The following NCAN variants were observed in gnomAD, a reference collection of about 807,000 sequenced individuals.
NCAN encodes the protein neurocan, also known as neurocan core protein.
NCAN carries 47 observed loss-of-function variants against 121.8 expected under a neutral mutation model. That is an observed-to-expected ratio of 0.39 (90% CI 0.31 to 0.49). The LOEUF is 0.49. Ranked by LOEUF, NCAN falls within the 20% of genes least tolerant of loss-of-function variation. The pLI is 0.92. For missense variants in NCAN, 1,517 were observed against 1,773.4 expected (o/e 0.86, Z 2.60); for synonymous variants, 633 against 702.0 (o/e 0.90, Z 1.55).
At chr19:19,249,367 G>T (rs952211672) in intron 14 of NCAN, among the ~76,000 whole-genome samples, 1 of 151,572 alleles carries the variant, frequency 6.6e-6, no homozygotes, top group African/African-American at 2.4e-5. Flanking sequence ...CACCACATCC[G>T]GCCTGGTTTT....
At chr19:19,219,672 C>CAAAAA (rs56231208) in intron 3 of NCAN, among the ~76,000 whole-genome samples, 30,856 of 49,408 alleles carry the variant, frequency 0.62, 10,940 homozygotes, top group South Asian at 0.76. Flanking sequence ...GACCCTGTCA[C>CAAAAA]AAAAAAAAAA....
intron 11 of NCAN, chr19:19,238,795 C>G: frequency 3.0e-6 from 1 of 329,336 alleles, no homozygotes; most frequent in Admixed American, 4.2e-5. Context: ...TGTAATTCAA[C>G]AGATCCTATG....
Position 19,216,013 on chromosome 19 carries a change from G to A in NCAN, c.-7-934G>A, listed in dbSNP as rs139100357. ...ATGTTATCCCCATCTGACCCACAAA[G>A]AAAGTAAGGCACAGAGAAGGTAAGC... On this transcript the variant is annotated intron_variant, in intron 1 of 14. Coordinates refer to ENST00000252575, the MANE Select transcript of NCAN (RefSeq NM_004386.3). Among the ~76,000 whole-genome samples, 1,112 of 152,252 alleles carry A rather than the reference G, an allele frequency of 7.3e-3. 7 individuals are homozygous for A. The highest frequency in any genetic ancestry group is 0.013 in the Non-Finnish European group (863 of 68,010).
At chr19:19,241,503 C>T (rs377519410) in intron 12 of NCAN, among the ~76,000 whole-genome samples, 2 of 151,822 alleles carry the variant, frequency 1.3e-5, no homozygotes, top group East Asian at 3.9e-4. Flanking sequence ...ATAAAAATTC[C>T]CCTTCTCCCG....
chr19:19,224,268 G>A lies in NCAN; in HGVS notation c.651-38G>A, dbSNP rs372334495. 123 of 1,601,836 alleles carry A rather than the reference G, an allele frequency of 7.7e-5. No homozygotes were observed. The African/African-American group carries it at 1.5e-3, about 20-fold the overall frequency. ...AGGAGGTTCCTTGGGGGCTCCAGGA[G>A]CACACATCTGAGAGGGACCCTCCCC... On this transcript the variant is annotated intron_variant, in intron 4 of 14. Transcript: ENST00000252575.
At chr19:19,214,649 C>A (rs1397973346) in intron 1 of NCAN, among the ~76,000 whole-genome samples, 4 of 151,634 alleles carry the variant, frequency 2.6e-5, no homozygotes, top group Non-Finnish European at 5.9e-5. Context: ...GGTGGGGAAA[C>A]TGAGGCACAG....
chr19:19,239,536 C>T (rs560171565), intron 11 of NCAN, among the ~76,000 whole-genome samples: 1 of 136,232 alleles, frequency 7.3e-6, no homozygotes, highest in East Asian at 2.3e-4. Context: ...TTCCTCCTTC[C>T]ACTCATCTTC....
At chr19:19,245,949 G>T (rs768262065) in intron 13 of NCAN, among the ~76,000 whole-genome samples, 1 of 152,144 alleles carries the variant, frequency 6.6e-6, no homozygotes, top group African/African-American at 2.4e-5. Flanking sequence ...AGGCCGCTCG[G>T]GGTGGCTCAT....
chr19:19,230,927 G>A (rs1338815847), intron 8 of NCAN, among the ~76,000 whole-genome samples: 1 of 147,716 alleles, frequency 6.8e-6, no homozygotes. Flanking sequence ...GTGTGTGTGT[G>A]TAGAGATGGG....
chr19:19,221,571 A>AAATAAT (rs543057188), intron 3 of NCAN, among the ~76,000 whole-genome samples: 10 of 151,256 alleles, frequency 6.6e-5, no homozygotes, highest in Admixed American at 3.3e-4. Context: ...TCCATCTTAA[A>AAATAAT]AATAATAATA....
At chr19:19,220,657 C>A (rs2060813395) in intron 3 of NCAN, among the ~76,000 whole-genome samples, 1 of 151,970 alleles carries the variant, frequency 6.6e-6, no homozygotes, top group East Asian at 1.9e-4. Context: ...CGGGGTTTCA[C>A]CGTGTTAGCC....
In NCAN at chr19:19,251,008, A is replaced by G. The variant is rs1008101447; in HGVS notation, c.*1097A>G. On this transcript the variant is annotated 3_prime_UTR_variant, in exon 15 of 15. Transcript: ENST00000252575. ...CACACATTTTTCTCTTGTAGATTTT[A>G]ATTTTTTAAGTGGGAAAGAACTCAC... The G allele has an allele frequency of 6.6e-6, 1 of 152,124 alleles. No homozygotes were observed. The highest frequency in any genetic ancestry group is 2.4e-5 in the African/African-American group (1 of 41,416). 9.4% of individuals were successfully genotyped at this position (152,124 alleles called of 1,614,324 possible). A position where few individuals can be genotyped will look rare whatever the true frequency, so the allele number is the denominator to read the frequency against.
At chr19:19,242,996 G>A (rs1442248146) in intron 12 of NCAN, among the ~76,000 whole-genome samples, 1 of 151,758 alleles carries the variant, frequency 6.6e-6, no homozygotes, top group Admixed American at 6.6e-5. Context: ...TTGAGACAGA[G>A]CGAGACTCCG....
At chr19:19,238,502 G>C in intron 11 of NCAN, 91 bp downstream of exon 11, 1 of 1,492,312 alleles carries the variant, frequency 6.7e-7, no homozygotes, top group Non-Finnish European at 9.3e-7. Context: ...TCCCTCCCCT[G>C]GTTTTCAAGA....
In NCAN at chr19:19,227,727, G is replaced by C. The variant is rs1005052565; in HGVS notation, c.2107G>C (p.Ala703Pro). Reference sequence around the variant, plus strand: ...GCCCACAACACCTGAGTCCCCCAGGGCAGACTTCAGAGAAACTGGGGAGAC... The same window carrying C: ...GCCCACAACACCTGAGTCCCCCAGGCCAGACTTCAGAGAAACTGGGGAGAC... Reference protein sequence around the residue: ...AMPTTPESPRADFRETGETSP... With the variant: ...AMPTTPESPRPDFRETGETSP... Residue 703 changes from alanine to proline, a missense_variant, in exon 8 of 15, where the codon GCA (alanine) becomes CCA (proline). Ala to Pro is a conservative substitution (Grantham distance 27). Transcript: ENST00000252575. The surrounding 1 kb of genome is among the most constrained non-coding windows in gnomAD (Gnocchi z 4.2). 1 of 1,613,790 alleles carries C rather than the reference G, an allele frequency of 6.2e-7. No homozygotes were observed. Among genetic ancestry groups the C allele is most frequent in the African/African-American group, 1.3e-5 (1 of 74,922 alleles).
Position 19,250,059 on chromosome 19 carries a change from GCTC to G in NCAN, c.*152_*154del, listed in dbSNP as rs1482010538. The stretch of plus-strand genomic sequence containing the variant: ...CCACACACATAATCCTTTGTACAAA[GCTC>G]CTCTTTTCCCTTTTTTTACATACAC... On this transcript the variant is annotated 3_prime_UTR_variant, in exon 15 of 15. Transcript: ENST00000252575. The G allele has an allele frequency of 4.5e-6, 4 of 896,570 alleles. No homozygotes were observed. The highest frequency in any genetic ancestry group is 1.7e-5 in the African/African-American group (1 of 60,564). 55.5% of individuals were successfully genotyped at this position (896,570 alleles called of 1,614,324 possible).
rs767132288 is a variant in NCAN at position 19,228,105 on chromosome 19, A to T, written c.2485A>T (p.Met829Leu). The change falls in exon 8 of 15, where the codon ATG becomes TTG. Residue 829 changes from methionine to leucine, a missense_variant. Transcript: ENST00000252575. Reference protein sequence around the residue: ...ATDEGPTVNPMDSTVTPAPSD... With the variant: ...ATDEGPTVNPLDSTVTPAPSD... ...AGATGAAGGACCCACTGTGAATCCC[A>T]TGGATTCCACAGTCACGCCGGCCCC... 2 of 1,613,646 alleles carry T rather than the reference A, an allele frequency of 1.2e-6. No homozygotes were observed. The highest frequency in any genetic ancestry group is 1.7e-5 in the Admixed American group (1 of 60,012).
At chr19:19,220,624 A>AT in intron 3 of NCAN, among the ~76,000 whole-genome samples, 1 of 151,842 alleles carries the variant, frequency 6.6e-6, no homozygotes, top group South Asian at 2.1e-4. Flanking sequence ...CGCCTGGCTA[A>AT]TTTTTTGTAT....
rs761290497 is a variant in NCAN, at chr19:19,225,283, C to G, written c.1072+13C>G. 9.9e-6 allele frequency: 15 copies of G among 1,511,666 alleles called. No homozygotes were observed. The Admixed American group carries it at 3.4e-4, about 34-fold the overall frequency. The allele number at this position is 1,511,666 out of a possible 1,614,324, so 93.6% of individuals were successfully genotyped here. ...TACTGCTTCCGAGGTGCGTGCGTCC[C>G]CTGGTGGCCGCGCCCCCAGGGCTTT... On this transcript the variant is annotated intron_variant, in intron 6 of 14. Coordinates refer to ENST00000252575, the MANE Select transcript of NCAN (RefSeq NM_004386.3). The surrounding 1 kb of genome is among the most constrained non-coding windows in gnomAD (Gnocchi z 4.0).
Sources: allele counts gnomAD v4.1 joint callset (sites outside exome capture counted in the v4.1 genomes callset), GRCh38; gene constraint gnomAD v4.1.1; non-coding constraint Gnocchi (gnomAD v3.1); transcripts MANE v1.5; gene names NCBI Gene and HGNC (gene_info 2026-07-23, HGNC 2026-07-21).